The following PTPRK variants were observed in gnomAD, a reference collection of about 807,000 sequenced individuals.
PTPRK encodes protein tyrosine phosphatase receptor type K.
Under a neutral mutation model 178.0 loss-of-function variants are expected in PTPRK, and 75 were observed. The ratio of observed to expected loss-of-function variants is 0.42; its 90% CI spans 0.35 to 0.51. The LOEUF is 0.51. PTPRK is among the 20% of genes least tolerant of loss of function. The pLI, the probability that PTPRK is intolerant of heterozygous loss-of-function variation, is 0.02. For synonymous variants in PTPRK, 637 were observed against 620.6 expected (o/e 1.03, Z -0.39); for missense variants, 1,441 against 1,797.8 (o/e 0.80, Z 3.59).
At position 128,520,340 on chromosome 6, in the gene PTPRK, C is replaced by G. The variant is rs755860640; in HGVS notation, c.19G>C (p.Ala7Pro). The G allele has an allele frequency of 2.0e-5, 32 of 1,608,790 alleles. No homozygotes were observed. The highest frequency in any genetic ancestry group is 2.6e-5 in the Non-Finnish European group (31 of 1,177,526). ...AGCGCCACAAAAGCAGGCAGCGCCGCCGCCGCAGTCGTATCCATGCCGAGT... is the reference window on the plus strand; with the variant it reads ...AGCGCCACAAAAGCAGGCAGCGCCGGCGCCGCAGTCGTATCCATGCCGAGT... MDTTAA[A>P]ALPAFVALLL... is the part of the protein sequence containing the mutation. Residue 7 changes from alanine to proline, a missense_variant, in exon 1 of 30, where the codon GCG (alanine) becomes CCG (proline). Physicochemically the swap from Ala to Pro is conservative, Grantham distance 27. Coordinates refer to ENST00000368226, the MANE Select transcript of PTPRK (RefSeq NM_002844.4).
intron 3 of PTPRK, among the ~76,000 whole-genome samples, chr6:128,299,791 C>G (rs1433451617): frequency 2.6e-5 from 4 of 152,110 alleles, no homozygotes; most frequent in Admixed American, 2.6e-4. Context: ...CTAGGCATTA[C>G]CATTCAGGAC....
chr6:128,342,066 A>G (rs559521065), intron 2 of PTPRK, among the ~76,000 whole-genome samples: 1 of 152,286 alleles, frequency 6.6e-6, no homozygotes, highest in Admixed American at 6.5e-5. Context: ...CAGCCTGGAC[A>G]ACATGATGAA....
At chr6:128,163,859 G>GCTA (rs1242485797) in intron 7 of PTPRK, among the ~76,000 whole-genome samples, 2 of 151,454 alleles carry the variant, frequency 1.3e-5, no homozygotes, top group Non-Finnish European at 3.0e-5. Flanking sequence ...AGTCATTGTT[G>GCTA]CTACTAACAC....
At chr6:128,363,662 C>T (rs1301250419) in intron 2 of PTPRK, among the ~76,000 whole-genome samples, 1 of 152,128 alleles carries the variant, frequency 6.6e-6, no homozygotes, top group Non-Finnish European at 1.5e-5. Flanking sequence ...ATTTCTCTTT[C>T]ATCTGGGAAT....
chr6:127,972,961 A>C lies in PTPRK; in HGVS notation c.4269+61T>G, dbSNP rs530693438. ...ATGTGTGTATGAAGTCAAATCAATA[A>C]GTAGGTATATGACTAACTAATCTCT... is the stretch of plus-strand genomic sequence containing the variant. On this transcript the variant is annotated intron_variant, in intron 29 of 29. Transcript: ENST00000368226. The C allele has an allele frequency of 1.3e-5, 20 of 1,512,270 alleles. No individual in the cohort carries two copies. In the East Asian group the frequency reaches 4.5e-4, roughly 34 times the overall value. 93.7% of individuals were successfully genotyped at this position (1,512,270 alleles called of 1,614,324 possible). A position where few individuals can be genotyped will look rare whatever the true frequency, so the allele number is the denominator to read the frequency against.
rs561026240 is a variant in PTPRK, at chr6:128,228,678, AAACAAC to A, written c.694-9588_694-9583del. ...CCATCTCAAAAAAAAAAAAAAGCAA[AAACAAC>A]AACAACAACAAAAAATTTTCTAAAA... is the stretch of plus-strand genomic sequence containing the variant. On this transcript the variant is annotated intron_variant, in intron 5 of 29. Transcript: ENST00000368226. Among the ~76,000 whole-genome samples the A allele has an allele frequency of 4.4e-3, 661 of 151,220 alleles. 1 individual carries two copies. Among genetic ancestry groups the A allele is most frequent in the Non-Finnish European group, 8.0e-3 (541 of 67,760 alleles).
intron 2 of PTPRK, chr6:128,340,910 G>T: frequency 3.3e-6 from 1 of 300,230 alleles, no homozygotes; most frequent in Non-Finnish European, 6.4e-6. Flanking sequence ...TAGACTAATA[G>T]ATTTAATAGT....
intron 13 of PTPRK, among the ~76,000 whole-genome samples, chr6:128,020,118 T>C (rs1289068010): frequency 6.6e-6 from 1 of 152,002 alleles, no homozygotes; most frequent in Non-Finnish European, 1.5e-5. Context: ...CCCTGGAAAG[T>C]AATGAGCTGG....
At chr6:128,249,185 CA>C (rs1166817096) in intron 3 of PTPRK, among the ~76,000 whole-genome samples, 1 of 149,626 alleles carries the variant, frequency 6.7e-6, no homozygotes, top group African/African-American at 2.5e-5. Context: ...AGTAGAAGAA[CA>C]AAGATAACTG....
intron 5 of PTPRK, among the ~76,000 whole-genome samples, chr6:128,232,899 G>GT (rs1022530816): frequency 6.6e-6 from 1 of 152,084 alleles, no homozygotes; most frequent in Non-Finnish European, 1.5e-5. Context: ...GCATTGCATT[G>GT]TTTTTTCTTT....
At chr6:128,223,831 C>T (rs1389032670) in intron 5 of PTPRK, among the ~76,000 whole-genome samples, 1 of 152,074 alleles carries the variant, frequency 6.6e-6, no homozygotes, top group Non-Finnish European at 1.5e-5. Context: ...GGTTTGATGA[C>T]CTAAAATACA....
In PTPRK at chr6:128,197,954, C is replaced by G. The variant is rs75650667; in HGVS notation, c.869-13229G>C. ...CTAGAACACTTGTTCTAGGTGCCAC[C>G]ATTTCCAATTTTCAATTAGCCAGTG... is the stretch of plus-strand genomic sequence containing the variant. On this transcript the variant is annotated intron_variant, in intron 6 of 29. Transcript: ENST00000368226. 4.5e-4 allele frequency among the ~76,000 whole-genome samples: 68 copies of G among 152,112 alleles called. 4 individuals are homozygous for G. In the East Asian group the frequency reaches 0.011, roughly 24 times the overall value.
chr6:128,442,789 G>C (rs1366451963), intron 1 of PTPRK, among the ~76,000 whole-genome samples: 1 of 152,174 alleles, frequency 6.6e-6, no homozygotes, highest in Non-Finnish European at 1.5e-5. Flanking sequence ...AAAGGGTTAA[G>C]GGAAAAAGTC....
chr6:128,184,790 C>T, intron 6 of PTPRK, 65 bp from the exon 7 acceptor site: 1 of 1,437,710 alleles, frequency 7.0e-7, no homozygotes. Context: ...ATATTAGTGT[C>T]TAATAAGGCC....
At chr6:128,173,068 C>T (rs1259324896) in intron 7 of PTPRK, among the ~76,000 whole-genome samples, 2 of 151,922 alleles carry the variant, frequency 1.3e-5, no homozygotes, top group Non-Finnish European at 2.9e-5. Context: ...AGCTTACTTG[C>T]AAGTATGCCT....
At chr6:128,300,504 A>G (rs1329175614) in intron 3 of PTPRK, among the ~76,000 whole-genome samples, 1 of 152,028 alleles carries the variant, frequency 6.6e-6, no homozygotes, top group Non-Finnish European at 1.5e-5. Context: ...TGGATTAAGA[A>G]AATGTGGCAC....
intron 7 of PTPRK, among the ~76,000 whole-genome samples, chr6:128,100,396 C>T (rs1788593678): frequency 6.6e-6 from 1 of 151,882 alleles, no homozygotes; most frequent in African/African-American, 2.4e-5. Flanking sequence ...CTATTAAAAT[C>T]ATAGCAAACT....
intron 5 of PTPRK, among the ~76,000 whole-genome samples, chr6:128,220,192 A>G (rs2128272557): frequency 6.6e-6 from 1 of 152,336 alleles, no homozygotes; most frequent in Non-Finnish European, 1.5e-5. Context: ...ACAAATAGTG[A>G]TAAGTCATTT....
At chr6:128,039,761 T>A (rs1413835302) in intron 13 of PTPRK, among the ~76,000 whole-genome samples, 1 of 152,192 alleles carries the variant, frequency 6.6e-6, no homozygotes, top group South Asian at 2.1e-4. Flanking sequence ...CCAAGCCTGC[T>A]CTGCATAGTA....
Sources: gnomAD v4.1 joint callset for allele counts (sites outside exome capture counted in the v4.1 genomes callset) on GRCh38, gnomAD v4.1.1 for gene constraint, MANE v1.5 for transcripts, NCBI Gene and HGNC (gene_info 2026-07-23, HGNC 2026-07-21) for gene names.